Variants in PSPH observed in about 807,000 individuals in gnomAD.
The protein encoded by PSPH is L-3-phosphoserine phosphatase.
PSPH carries 16 observed loss-of-function variants against 23.4 expected under a neutral mutation model. The observed-to-expected ratio is 0.68, with a 90% CI of 0.46 to 1.04. The LOEUF is 1.04. PSPH is among the 50% of genes least tolerant of loss of function. The pLI is 0.00. For synonymous variants in PSPH, 68 were observed against 99.7 expected (o/e 0.68, Z 1.89); for missense variants, 223 against 273.7 (o/e 0.81, Z 1.31).
chr7:56,025,241 CATT>C (rs1036351528), intron 3 of PSPH, among the ~76,000 whole-genome samples: 27 of 152,074 alleles, frequency 1.8e-4, no homozygotes, highest in Admixed American at 1.6e-3. Context: ...TACACACACA[CATT>C]ATTCACATGC....
intron 3 of PSPH, among the ~76,000 whole-genome samples, chr7:56,029,782 C>T (rs564314989): frequency 2.0e-5 from 3 of 151,894 alleles, no homozygotes; most frequent in Non-Finnish European, 4.4e-5. Context: ...TGCATAGTTG[C>T]GAGAACCAAG....
intron 6 of PSPH, 72 bp downstream of exon 6, chr7:56,017,162 C>T (rs1788667386): frequency 1.0e-5 from 16 of 1,590,670 alleles, no homozygotes; most frequent in Non-Finnish European, 1.4e-5. Context: ...AAGTTGCATT[C>T]CAAAGACATT....
chr7:56,022,695 T>G (rs969380437), intron 3 of PSPH, among the ~76,000 whole-genome samples: 7 of 152,154 alleles, frequency 4.6e-5, no homozygotes. Flanking sequence ...AGGTCAGAGC[T>G]AAATATGAGG....
Position 56,021,171 on chromosome 7 carries a change from T to G in PSPH, c.42A>C (p.Ala14=). The change falls in exon 4 of 8, where the codon GCA becomes GCC. Residue 14 remains alanine, a synonymous_variant. Coordinates refer to ENST00000275605, the MANE Select transcript of PSPH (RefSeq NM_004577.4). The part of the protein sequence containing the change: ...HSELRKLFYS[A]DAVCFDVDST... ...TGTCAACATCAAAACACACAGCATC[T>G]GCTGAGTAGAAAAGCTTCCTCAGCT... is the stretch of plus-strand genomic sequence containing the variant. 6.2e-7 allele frequency: 1 copy of G among 1,614,256 alleles called. No homozygotes were observed. The highest frequency in any genetic ancestry group is 8.5e-7 in the Non-Finnish European group (1 of 1,180,046).
intron 7 of PSPH, 104 bp downstream of exon 7, chr7:56,014,919 G>A: frequency 8.0e-7 from 1 of 1,245,406 alleles, no homozygotes; most frequent in East Asian, 2.7e-5. Context: ...CTCCAACCTG[G>A]GCAACAAGAG....
intron 2 of PSPH, 120 bp downstream of exon 2, chr7:56,033,841 A>C (rs985032280): frequency 6.6e-6 from 1 of 152,216 alleles, no homozygotes; most frequent in African/African-American, 2.4e-5. Context: ...AGATTTTAGG[A>C]AATGATCTGC....
At chr7:56,016,403 C>CAAAAAAA (rs1187610566) in intron 6 of PSPH, among the ~76,000 whole-genome samples, 1 of 85,396 alleles carries the variant, frequency 1.2e-5, no homozygotes, top group Admixed American at 1.5e-4. Context: ...GACCCTGTCT[C>CAAAAAAA]AAAAAAAAAA....
At chr7:56,021,844 G>A (rs1206797569) in intron 3 of PSPH, among the ~76,000 whole-genome samples, 2 of 151,566 alleles carry the variant, frequency 1.3e-5, no homozygotes, top group African/African-American at 2.4e-5. Context: ...CACCCACTCG[G>A]GAGGCTGAGG....
chr7:56,017,652 C>T (rs558334500), intron 5 of PSPH, among the ~76,000 whole-genome samples: 3 of 149,480 alleles, frequency 2.0e-5, no homozygotes, highest in Non-Finnish European at 4.4e-5. Flanking sequence ...AGGGTTCCAG[C>T]GATTCTCCTC....
chr7:56,045,581 T>C (rs1277714408), intron 1 of PSPH, among the ~76,000 whole-genome samples: 3 of 152,074 alleles, frequency 2.0e-5, no homozygotes, highest in African/African-American at 4.8e-5. Context: ...GTTTTATGGA[T>C]GTGGCCTAAG....
chr7:56,033,775 G>A (rs1170169416), intron 2 of PSPH, among the ~76,000 whole-genome samples, 186 bp downstream of exon 2: 2 of 152,160 alleles, frequency 1.3e-5, no homozygotes, highest in Non-Finnish European at 2.9e-5. Flanking sequence ...GGCAGCTGCT[G>A]TAAGATTAGA....
intron 3 of PSPH, among the ~76,000 whole-genome samples, chr7:56,031,615 C>A (rs930223576): frequency 3.3e-5 from 5 of 152,030 alleles, no homozygotes; most frequent in Non-Finnish European, 7.4e-5. Context: ...GAGTTCGAGA[C>A]CAGCCTGGCT....
At chr7:56,040,502 G>A (rs1044718164) in intron 1 of PSPH, among the ~76,000 whole-genome samples, 8 of 152,030 alleles carry the variant, frequency 5.3e-5, no homozygotes, top group Admixed American at 5.3e-4. Context: ...CAAGCGATGG[G>A]ATTTTGGTGT....
In PSPH at chr7:56,039,200, C is replaced by A. The variant is rs117452067; in HGVS notation, c.-291-5094G>T. ...ATATATAAGAATTCTCACAGCAGTA[C>A]TGTGAACATTCTCAGTTACTGTGAT... On this transcript the variant is annotated intron_variant, in intron 1 of 7. Transcript: ENST00000275605. 2.0e-5 allele frequency among the ~76,000 whole-genome samples: 3 copies of A among 150,056 alleles called. No homozygotes were observed. In the East Asian group the frequency reaches 5.9e-4, roughly 29 times the overall value.
chr7:56,013,192 C>CACACAT (rs1054564693), intron 7 of PSPH, among the ~76,000 whole-genome samples: 5 of 137,806 alleles, frequency 3.6e-5, no homozygotes, highest in African/African-American at 1.1e-4. Context: ...CACACACACA[C>CACACAT]ATATATATAG....
chr7:56,044,019 C>T (rs1304250644), intron 1 of PSPH, among the ~76,000 whole-genome samples: 5 of 151,958 alleles, frequency 3.3e-5, no homozygotes, highest in South Asian at 4.1e-4. Flanking sequence ...TGCAATGGCG[C>T]GATCTTGGTG....
intron 6 of PSPH, among the ~76,000 whole-genome samples, chr7:56,016,404 A>AAG (rs1491431250): frequency 4.1e-5 from 1 of 24,608 alleles, no homozygotes; most frequent in Non-Finnish European, 1.4e-4. Flanking sequence ...ACCCTGTCTC[A>AAG]AAAAAAAAAA....
intron 3 of PSPH, among the ~76,000 whole-genome samples, chr7:56,022,910 T>C (rs368338568): frequency 1.3e-3 from 195 of 152,138 alleles, no homozygotes; most frequent in African/African-American, 4.2e-3. Flanking sequence ...AAACTAAAAA[T>C]TAGCCGGGCA....
Position 56,011,477 on chromosome 7 carries a change from C to T in PSPH, c.*285G>A, listed in dbSNP as rs1232676040. ...CTGGGAGGCAGAGCTTGCAGTGAGC[C>T]GAGACCGCGCCACTGCACTCCAGCC... On this transcript the variant is annotated 3_prime_UTR_variant, in exon 8 of 8. Transcript: ENST00000275605. The T allele has an allele frequency of 7.2e-5, 16 of 221,636 alleles. No individual in the cohort carries two copies. In the East Asian group the frequency reaches 1.1e-3, roughly 16 times the overall value. The allele number at this position is 221,636 out of a possible 1,614,324, so 13.7% of individuals were successfully genotyped here. A position where few individuals can be genotyped will look rare whatever the true frequency, so the allele number is the denominator to read the frequency against.
Sources: allele counts gnomAD v4.1 joint callset (sites outside exome capture counted in the v4.1 genomes callset), GRCh38; gene constraint gnomAD v4.1.1; transcripts MANE v1.5; gene names NCBI Gene and HGNC (gene_info 2026-07-23, HGNC 2026-07-21).